The following ASMTL variants were observed in gnomAD, a reference collection of about 807,000 sequenced individuals.
The protein encoded by ASMTL is probable bifunctional dTTP/UTP pyrophosphatase/methyltransferase protein.
ASMTL carries 57 observed loss-of-function variants against 60.3 expected under a neutral mutation model. That is an observed-to-expected ratio of 0.95 (90% CI 0.76 to 1.18). The LOEUF is 1.18. Among genes scored for constraint, ASMTL ranks in the 50% most tolerant of loss-of-function variants. The pLI is 0.00. For synonymous variants in ASMTL, 419 were observed against 373.0 expected (o/e 1.12, Z -1.42); for missense variants, 981 against 852.6 (o/e 1.15, Z -1.88).
rs200126226 is a variant in ASMTL at position 1,418,991 on chromosome X, C to T, written c.1369G>A (p.Asp457Asn). ...CGGGGGGGCCACCCACCTCCCACGT[C>T]GCAGGCGGAGGAGAAGCGGGACAGA... ...FNLSRFSSAC[D>N]VGGCTGALAR... Residue 457 changes from aspartate to asparagine, a missense_variant, in exon 10 of 13, where the codon GAC becomes AAC. Coordinates refer to ENST00000381317, the MANE Select transcript of ASMTL (RefSeq NM_004192.4). 3.7e-4 allele frequency: 592 copies of T among 1,611,866 alleles called. 1 individual carries two copies. The highest frequency in any genetic ancestry group is 4.5e-4 in the Non-Finnish European group (530 of 1,179,808).
At chrX:1,412,930 C>G in intron 11 of ASMTL, 76 bp from the exon 12 acceptor site, 1 of 1,523,010 alleles carries the variant, frequency 6.6e-7, no homozygotes, top group Non-Finnish European at 9.1e-7. Flanking sequence ...CCTGGGACGG[C>G]CACCCGCATC....
intron 1 of ASMTL, among the ~76,000 whole-genome samples, chrX:1,442,939 G>A (rs1482923299): frequency 6.6e-6 from 1 of 152,144 alleles, no homozygotes; most frequent in Non-Finnish European, 1.5e-5. Flanking sequence ...CAGGGTGCAG[G>A]GAACTCCGCA....
intron 5 of ASMTL, among the ~76,000 whole-genome samples, chrX:1,432,894 T>G (rs1380854640): frequency 1.3e-5 from 2 of 152,294 alleles, no homozygotes. Flanking sequence ...GGCCAGGGGT[T>G]CGAGACCAGC....
Position 1,417,721 on chromosome X carries a change from GACACAC to G in ASMTL, c.1522+246_1522+251del, listed in dbSNP as rs60780739. On this transcript the variant is annotated intron_variant, in intron 11 of 12. Coordinates refer to ENST00000381317, the MANE Select transcript of ASMTL (RefSeq NM_004192.4). Reference sequence around the variant, plus strand: ...AGACGTGCACACACATGCGGATGCAGACACACACACACACAGACATGCTCACGCACA... The same window carrying G: ...AGACGTGCACACACATGCGGATGCAGACACACACAGACATGCTCACGCACA... 9.7e-3 allele frequency among the ~76,000 whole-genome samples: 1,445 copies of G among 149,712 alleles called. 7 individuals are homozygous for G. The highest frequency in any genetic ancestry group is 0.014 in the Non-Finnish European group (951 of 67,290).
At chrX:1,446,763 T>C (rs1413777280) in intron 1 of ASMTL, among the ~76,000 whole-genome samples, 1 of 152,160 alleles carries the variant, frequency 6.6e-6, no homozygotes, top group Non-Finnish European at 1.5e-5. Flanking sequence ...CCTCCCAAAC[T>C]GCTGGGATTA....
chrX:1,436,781 G>A (rs1314994840), intron 3 of ASMTL, among the ~76,000 whole-genome samples: 1 of 152,254 alleles, frequency 6.6e-6, no homozygotes, highest in Non-Finnish European at 1.5e-5. Context: ...TAGTGCTGCT[G>A]TGAACATTCA....
rs1264687615 is a variant in ASMTL at position 1,403,401 on chromosome X, C to T, written c.1734G>A (p.Val578=). 6.2e-7 allele frequency: 1 copy of T among 1,613,458 alleles called. No homozygotes were observed. The highest frequency in any genetic ancestry group is 8.5e-7 in the Non-Finnish European group (1 of 1,179,862). Reference sequence around the variant, plus strand: ...GGCTCCGCTCCTTGCCTTCAGTCTGCACCAGCATGTTCAGTGACTGCATCA... The same window carrying T: ...GGCTCCGCTCCTTGCCTTCAGTCTGTACCAGCATGTTCAGTGACTGCATCA... ...RALMQSLNML[V]QTEGKERSLG... is the part of the protein sequence containing the mutation. Residue 578 remains valine, a synonymous_variant, in exon 13 of 13, where the codon GTG becomes GTA. Coordinates refer to ENST00000381317, the MANE Select transcript of ASMTL (RefSeq NM_004192.4).
intron 1 of ASMTL, among the ~76,000 whole-genome samples, chrX:1,451,325 G>A (rs1199425179): frequency 7.2e-6 from 1 of 137,938 alleles, no homozygotes; most frequent in African/African-American, 2.8e-5. Flanking sequence ...TCCCTAGGTG[G>A]TCCTGGGTCA....
chrX:1,406,767 T>G (rs61724294), intron 12 of ASMTL, among the ~76,000 whole-genome samples: 4,290 of 151,816 alleles, frequency 0.028, 176 homozygotes, highest in African/African-American at 0.099. Flanking sequence ...GGTAGATGAA[T>G]GGATAGATAC....
chrX:1,428,752 C>T (rs1198800471), intron 6 of ASMTL, among the ~76,000 whole-genome samples: 34 of 147,710 alleles, frequency 2.3e-4, no homozygotes, highest in African/African-American at 8.7e-4. Flanking sequence ...TTCAGCATCT[C>T]ATCTACGAAT....
rs545726794 is a variant in ASMTL, at chrX:1,452,478, C to T, written c.93+270G>A. On this transcript the variant is annotated intron_variant, in intron 1 of 12. Coordinates refer to ENST00000381317, the MANE Select transcript of ASMTL (RefSeq NM_004192.4). ...ATTCCTAGGGGTCCCGGGTTACGAT[C>T]CCCTCCCCCATCCCTATGGGGACCC... 2.9e-3 allele frequency among the ~76,000 whole-genome samples: 433 copies of T among 151,108 alleles called. 4 individuals carry two copies. The highest frequency in any genetic ancestry group is 1.0e-2 in the African/African-American group (410 of 41,120).
At chrX:1,430,476 A>G in intron 6 of ASMTL, among the ~76,000 whole-genome samples, 1 of 152,212 alleles carries the variant, frequency 6.6e-6, no homozygotes, top group South Asian at 2.1e-4. Flanking sequence ...TACAAAAACT[A>G]ACAATAAAAT....
intron 12 of ASMTL, among the ~76,000 whole-genome samples, chrX:1,408,128 G>A (rs1220039788): frequency 1.7e-5 from 2 of 120,764 alleles, no homozygotes; most frequent in Admixed American, 9.5e-5. Flanking sequence ...TTGAGCGCAG[G>A]AGGTCAAGGC....
chrX:1,453,395 A>C (rs1470321285), upstream of ASMTL, among the ~76,000 whole-genome samples: 1 of 61,484 alleles, frequency 1.6e-5, no homozygotes, highest in South Asian at 6.0e-4. Flanking sequence ...CACCGCCCCC[A>C]GCTCCGCCTC....
rs1214872788 is a variant in ASMTL, at chrX:1,421,531, C to T, written c.1245+127G>A. On this transcript the variant is annotated intron_variant, in intron 9 of 12. Transcript: ENST00000381317. ...ACGGCACTAAGTTCTCCAGGCAGAA[C>T]GAGCCAAGCCTTTGGGATCTGTCAG... 45 of 1,055,276 alleles carry T rather than the reference C, an allele frequency of 4.3e-5. No individual in the cohort carries two copies. In the East Asian group the frequency reaches 4.7e-4, roughly 11 times the overall value. 65.4% of individuals were successfully genotyped at this position (1,055,276 alleles called of 1,614,324 possible).
At chrX:1,416,873 A>C (rs2090300248) in intron 11 of ASMTL, among the ~76,000 whole-genome samples, 1 of 151,512 alleles carries the variant, frequency 6.6e-6, no homozygotes, top group African/African-American at 2.4e-5. Flanking sequence ...ACATATATCC[A>C]CAGACACGCA....
intron 3 of ASMTL, among the ~76,000 whole-genome samples, chrX:1,436,431 C>A (rs2090967099): frequency 1.3e-5 from 2 of 152,184 alleles, no homozygotes; most frequent in Non-Finnish European, 2.9e-5. Context: ...CGGCTCACTG[C>A]AAGCTCCGCC....
chrX:1,452,959 C>T, upstream of ASMTL: 2 of 779,508 alleles, frequency 2.6e-6, no homozygotes, highest in Non-Finnish European at 1.9e-6. Context: ...CACGCCCCCG[C>T]CCGCCTCCGC....
At chrX:1,414,664 C>T (rs1345995523) in intron 11 of ASMTL, among the ~76,000 whole-genome samples, 5 of 152,064 alleles carry the variant, frequency 3.3e-5, no homozygotes, top group Non-Finnish European at 4.4e-5. Context: ...GCTAAGATCA[C>T]GCCACTGCAC....
Sources: gnomAD v4.1 joint callset for allele counts (sites outside exome capture counted in the v4.1 genomes callset) on GRCh38, gnomAD v4.1.1 for gene constraint, MANE v1.5 for transcripts, NCBI Gene and HGNC (gene_info 2026-07-23, HGNC 2026-07-21) for gene names.